Variants in ADCK1 observed in about 807,000 individuals in gnomAD.
ADCK1 encodes the protein aarF domain-containing protein kinase 1.
A neutral mutation model predicts 52.3 loss-of-function variants in ADCK1; 41 were observed. The observed-to-expected ratio is 0.78, with a 90% confidence interval of 0.61 to 1.02. The LOEUF is 1.02. Among genes scored for constraint, ADCK1 ranks in the 50% least tolerant of loss-of-function variants. The pLI is 0.00. For synonymous variants in ADCK1, 250 were observed against 274.6 expected, an observed-to-expected ratio of 0.91 and a Z score of 0.89; for missense variants, 658 against 679.5, an observed-to-expected ratio of 0.97 and a Z score of 0.35.
chr14:77,838,266 A>G (rs938105023), intron 3 of ADCK1, among the ~76,000 whole-genome samples: 8 of 152,236 alleles, frequency 5.3e-5, no homozygotes, highest in Non-Finnish European at 1.2e-4. Context: ...CTTCACTTAA[A>G]TATACAAATA....
chr14:77,899,150 G>C lies in ADCK1; in HGVS notation c.633G>C (p.Trp211Cys). The C allele has an allele frequency of 6.2e-7, 1 of 1,614,166 alleles. No homozygotes were observed. The highest frequency in any genetic ancestry group is 8.5e-7 in the Non-Finnish European group (1 of 1,180,026). Reference protein sequence around the residue: ...KQLFPEFEFMWLVDEAKKNLP... With the variant: ...KQLFPEFEFMCLVDEAKKNLP... ...TGTTCCCAGAGTTTGAGTTTATGTGGCTTGTGGATGAAGCCAAGAAGAACC... is the reference window on the plus strand; with the variant it reads ...TGTTCCCAGAGTTTGAGTTTATGTGCCTTGTGGATGAAGCCAAGAAGAACC... The change falls in exon 6 of 11, where the codon TGG (tryptophan) becomes TGC (cysteine). Residue 211 changes from tryptophan (W) to cysteine (C), a missense_variant. Transcript: ENST00000238561.
At chr14:77,857,035 C>G (rs1398536070) in intron 3 of ADCK1, among the ~76,000 whole-genome samples, 2 of 151,204 alleles carry the variant, frequency 1.3e-5, no homozygotes, top group East Asian at 3.9e-4. Context: ...CCCCTGCAGG[C>G]CTAAGGATGG....
chr14:77,852,800 G>GA (rs989609704), intron 3 of ADCK1, among the ~76,000 whole-genome samples: 3 of 130,050 alleles, frequency 2.3e-5, no homozygotes, highest in Non-Finnish European at 4.8e-5. Context: ...TTTTCAGTAA[G>GA]AAAAAATTAT....
intron 4 of ADCK1, among the ~76,000 whole-genome samples, chr14:77,861,837 A>G (rs945237782): frequency 1.3e-5 from 2 of 152,166 alleles, no homozygotes; most frequent in African/African-American, 2.4e-5. Flanking sequence ...GTGTGGGGGT[A>G]AGATTGAGGG....
At chr14:77,910,686 C>T (rs563075025) in intron 7 of ADCK1, among the ~76,000 whole-genome samples, 19 of 152,298 alleles carry the variant, frequency 1.2e-4, no homozygotes, top group Non-Finnish European at 2.4e-4. Flanking sequence ...TCAGAGGCAA[C>T]GTTGATTTTC....
intron 3 of ADCK1, among the ~76,000 whole-genome samples, chr14:77,826,915 T>G (rs1280472792): frequency 6.6e-6 from 1 of 152,080 alleles, no homozygotes; most frequent in Non-Finnish European, 1.5e-5. Flanking sequence ...TTCTGGCCAG[T>G]GCGCAGGACT....
chr14:77,924,319 C>T, intron 7 of ADCK1, 138 bp from the exon 8 acceptor site: 6 of 1,057,876 alleles, frequency 5.7e-6, no homozygotes, highest in Non-Finnish European at 8.1e-6. Flanking sequence ...CTCAAACAAT[C>T]ACTCCCACCA....
intron 7 of ADCK1, among the ~76,000 whole-genome samples, chr14:77,919,994 C>T (rs1008380994): frequency 4.0e-5 from 6 of 151,794 alleles, no homozygotes; most frequent in Admixed American, 6.6e-5. Flanking sequence ...GTCTTTTGTT[C>T]GATGCATAGC....
chr14:77,888,438 G>A (rs1446784591), intron 5 of ADCK1, among the ~76,000 whole-genome samples: 1 of 152,130 alleles, frequency 6.6e-6, no homozygotes, highest in East Asian at 1.9e-4. Context: ...TGTAGTCAGT[G>A]GGGAACCATT....
chr14:77,906,322 A>C (rs570253645), intron 6 of ADCK1, among the ~76,000 whole-genome samples: 1 of 152,254 alleles, frequency 6.6e-6, no homozygotes, highest in East Asian at 1.9e-4. Flanking sequence ...AACTCCTCAC[A>C]ATTTGGGGGA....
rs777184096 is a variant in ADCK1, at chr14:77,805,252, CTTTTTTTT to C, written c.-12+5102_-12+5109del. ...AAAGAGTCATTTTTGGCTTTGCATT[CTTTTTTTT>C]TTTTTTTTTTTTTTTTTTTGAGACA... On this transcript the variant is annotated intron_variant, in intron 1 of 10. Coordinates refer to ENST00000238561, the MANE Select transcript of ADCK1 (RefSeq NM_020421.4). 9.4e-3 allele frequency among the ~76,000 whole-genome samples: 588 copies of C among 62,262 alleles called. 5 individuals are homozygous for C. Among genetic ancestry groups the C allele is most frequent in the African/African-American group, 0.032 (565 of 17,798 alleles). 40.8% of individuals were successfully genotyped at this position (62,262 alleles called of 152,430 possible).
At chr14:77,805,070 G>C (rs1017682434) in intron 1 of ADCK1, among the ~76,000 whole-genome samples, 1 of 151,726 alleles carries the variant, frequency 6.6e-6, no homozygotes, top group African/African-American at 2.4e-5. Context: ...GCCGGACGTG[G>C]TGGCGCATGC....
At chr14:77,886,715 G>A (rs2083155688) in intron 4 of ADCK1, among the ~76,000 whole-genome samples, 1 of 152,012 alleles carries the variant, frequency 6.6e-6, no homozygotes, top group African/African-American at 2.4e-5. Flanking sequence ...GGTCACTTGA[G>A]GTCAGGAATT....
intron 3 of ADCK1, among the ~76,000 whole-genome samples, chr14:77,855,507 G>A (rs1026500762): frequency 2.0e-5 from 3 of 152,138 alleles, no homozygotes; most frequent in Admixed American, 6.5e-5. Flanking sequence ...GGTCAGGGTG[G>A]GGTTCAGTCT....
At chr14:77,914,940 A>G (rs2083883181) in intron 7 of ADCK1, among the ~76,000 whole-genome samples, 1 of 149,210 alleles carries the variant, frequency 6.7e-6, no homozygotes, top group African/African-American at 2.5e-5. Flanking sequence ...GTACCCCCTT[A>G]CCCCCACTGT....
At chr14:77,902,267 A>T (rs12433276) in intron 6 of ADCK1, 1 of 152,058 alleles carries the variant, frequency 6.6e-6, no homozygotes, top group African/African-American at 2.4e-5. Flanking sequence ...GGAAGATAGA[A>T]CCCATGAAGT....
chr14:77,865,927 T>G (rs1237477506), intron 4 of ADCK1, among the ~76,000 whole-genome samples: 1 of 152,242 alleles, frequency 6.6e-6, no homozygotes, highest in Non-Finnish European at 1.5e-5. Context: ...GTGCTTTTTA[T>G]GAGCAGGTAC....
chr14:77,908,963 G>T (rs1219776167), intron 7 of ADCK1, among the ~76,000 whole-genome samples: 3 of 152,020 alleles, frequency 2.0e-5, no homozygotes, highest in Non-Finnish European at 2.9e-5. Context: ...AGTTTGGCAG[G>T]GCTGGGGCAG....
chr14:77,877,388 T>A (rs1288808218), intron 4 of ADCK1, among the ~76,000 whole-genome samples: 1 of 152,250 alleles, frequency 6.6e-6, no homozygotes, highest in Non-Finnish European at 1.5e-5. Context: ...GCTTTGTGGA[T>A]GCAGGAACAA....
Sources: allele counts gnomAD v4.1 joint callset (sites outside exome capture counted in the v4.1 genomes callset), GRCh38; gene constraint gnomAD v4.1.1; transcripts MANE v1.5; gene names NCBI Gene and HGNC (gene_info 2026-07-23, HGNC 2026-07-21).